Variants in TIMP2 observed in about 807,000 individuals in gnomAD.
TIMP2 encodes TIMP metallopeptidase inhibitor 2.
Under a neutral mutation model 24.3 loss-of-function variants are expected in TIMP2, and 5 were observed. The ratio of observed to expected loss-of-function variants is 0.21; its 90% CI spans 0.11 to 0.43. TIMP2 has a LOEUF of 0.43. Ranked by LOEUF, TIMP2 falls within the 20% of genes least tolerant of loss-of-function variation. TIMP2 has a pLI of 1.00. For missense variants in TIMP2, 221 were observed against 297.5 expected (o/e 0.74, Z 1.89); for synonymous variants, 130 against 123.2 (o/e 1.06, Z -0.37).
chr17:78,890,618 C>T (rs1294616020), intron 1 of TIMP2: 14 of 1,544,586 alleles, frequency 9.1e-6, no homozygotes, highest in Non-Finnish European at 1.2e-5. Flanking sequence ...ATGTATTTAC[C>T]CCGGGTGGGC....
intron 3 of TIMP2, 92 bp from the exon 4 acceptor site, chr17:78,857,738 C>T (rs1427113185): frequency 5.8e-6 from 9 of 1,538,786 alleles, no homozygotes; most frequent in South Asian, 4.7e-5. Context: ...GCTGGGATTT[C>T]GTTGCAACAA....
intron 1 of TIMP2, among the ~76,000 whole-genome samples, chr17:78,913,733 A>C (rs1186535507): frequency 2.0e-5 from 3 of 151,698 alleles, no homozygotes; most frequent in Non-Finnish European, 4.4e-5. Flanking sequence ...ACAAAAAAAA[A>C]CAAAAAACAT....
intron 1 of TIMP2, among the ~76,000 whole-genome samples, chr17:78,888,983 A>C (rs972797534): frequency 6.6e-5 from 10 of 152,168 alleles, no homozygotes; most frequent in Non-Finnish European, 1.5e-4. Context: ...CAGACTCTGA[A>C]ACCATCCTAG....
Position 78,855,193 on chromosome 17 carries a change from G to A in TIMP2, c.*474C>T, listed in dbSNP as rs143088973. On this transcript the variant is annotated 3_prime_UTR_variant, in exon 5 of 5. Transcript: ENST00000262768. This position sits in a 1 kb window ranked among gnomAD's most constrained non-coding sequence, Gnocchi z 6.0. ...TGCCAGGGGCAGGGAGTGCAGAGGC[G>A]TGGAAGCTGCAGAAAACAAGGGCCA... 489 of 176,614 alleles carry A rather than the reference G, an allele frequency of 2.8e-3. 6 individuals carry two copies. Among genetic ancestry groups the A allele is most frequent in the African/African-American group, 0.011 (468 of 42,714 alleles). The allele number at this position is 176,614 out of a possible 1,614,324, so 10.9% of individuals were successfully genotyped here.
rs563638676 is a variant in TIMP2, at chr17:78,919,381, AC to A, written c.130+5577del. ...GGCCTACTCTGTACCCAGAACTCTC[AC>A]CTTTCCTGGGGCAGTTGGTCCCTTG... On this transcript the variant is annotated intron_variant, in intron 1 of 4. Coordinates refer to ENST00000262768, the MANE Select transcript of TIMP2 (RefSeq NM_003255.5). Among the ~76,000 whole-genome samples the A allele has an allele frequency of 4.6e-5, 7 of 151,994 alleles. No individual in the cohort carries two copies. In the South Asian group the frequency reaches 1.5e-3, roughly 32 times the overall value.
intron 1 of TIMP2, chr17:78,899,938 C>G (rs763572671): frequency 6.6e-6 from 1 of 152,196 alleles, no homozygotes; most frequent in African/African-American, 2.4e-5. Flanking sequence ...TAGCTGGCAT[C>G]GGCCAGAGAG....
rs142569948 is a variant in TIMP2 at position 78,921,039 on chromosome 17, G to C, written c.130+3920C>G. On this transcript the variant is annotated intron_variant, in intron 1 of 4. Transcript: ENST00000262768. ...TACTTCGCACAACGAGTTGCCAACAGTTTCTTTAAAAAGCGCCACGCCGCC... is the reference window on the plus strand; with the variant it reads ...TACTTCGCACAACGAGTTGCCAACACTTTCTTTAAAAAGCGCCACGCCGCC... Among the ~76,000 whole-genome samples, 21 of 152,340 alleles carry C rather than the reference G, an allele frequency of 1.4e-4. No individual in the cohort carries two copies. In the East Asian group the frequency reaches 2.7e-3, roughly 20 times the overall value.
At chr17:78,862,280 G>A (rs76897924) in intron 3 of TIMP2, among the ~76,000 whole-genome samples, 2,037 of 152,302 alleles carry the variant, frequency 0.013, 44 homozygotes, top group African/African-American at 0.047. Context: ...TGTGATTTCT[G>A]GTTAGCCCCT....
At chr17:78,862,020 G>A (rs1342704346) in intron 3 of TIMP2, among the ~76,000 whole-genome samples, 1 of 152,212 alleles carries the variant, frequency 6.6e-6, no homozygotes, top group Non-Finnish European at 1.5e-5. Context: ...CTGTCTCCGA[G>A]AAAAGCGAGG....
At chr17:78,923,012 G>A (rs952553395) in intron 1 of TIMP2, among the ~76,000 whole-genome samples, 1 of 152,090 alleles carries the variant, frequency 6.6e-6, no homozygotes, top group African/African-American at 2.4e-5. Flanking sequence ...ACAGAGAATC[G>A]ATTCCTGTTC....
intron 1 of TIMP2, chr17:78,892,227 G>A: frequency 6.4e-7 from 1 of 1,551,022 alleles, no homozygotes; most frequent in Non-Finnish European, 8.7e-7. Flanking sequence ...CTTCTCTGCA[G>A]AGCGAGATCG....
chr17:78,895,819 G>T (rs1460865412), intron 1 of TIMP2, among the ~76,000 whole-genome samples: 3 of 152,182 alleles, frequency 2.0e-5, no homozygotes, highest in African/African-American at 7.2e-5. Flanking sequence ...TGTCTCGGAA[G>T]GTGCCTGGAG....
At chr17:78,883,969 G>T (rs530386848) in intron 1 of TIMP2, among the ~76,000 whole-genome samples, 1 of 152,336 alleles carries the variant, frequency 6.6e-6, no homozygotes, top group African/African-American at 2.4e-5. Flanking sequence ...TGAATCACTT[G>T]AAAACAATGC....
chr17:78,898,376 G>A (rs545773590), intron 1 of TIMP2: 1 of 152,252 alleles, frequency 6.6e-6, no homozygotes, highest in Non-Finnish European at 1.5e-5. Flanking sequence ...TGCTGCCCAG[G>A]GAGGTCAGAG....
chr17:78,918,074 A>ACT (rs1181112633), intron 1 of TIMP2, among the ~76,000 whole-genome samples: 3,518 of 79,820 alleles, frequency 0.044, 102 homozygotes, highest in African/African-American at 0.11. Flanking sequence ...AAACACACAC[A>ACT]CACACACACA....
chr17:78,874,135 AC>A, intron 1 of TIMP2: 1 of 515,152 alleles, frequency 1.9e-6, no homozygotes, highest in Non-Finnish European at 3.4e-6. Context: ...TCCTCCTTCC[AC>A]GATTCTTCAA....
intron 1 of TIMP2, chr17:78,898,145 C>T (rs142554514): frequency 1.9e-4 from 29 of 152,414 alleles, no homozygotes; most frequent in Non-Finnish European, 1.0e-4. Flanking sequence ...CTGATCAGCA[C>T]GCAGACCCGC....
intron 1 of TIMP2, among the ~76,000 whole-genome samples, chr17:78,877,668 T>A (rs1385381707): frequency 6.6e-6 from 1 of 152,048 alleles, no homozygotes. Flanking sequence ...CTGTATGTTA[T>A]TTTGGAAATT....
In TIMP2 at chr17:78,855,873, G is replaced by A. The variant is rs1380086082; in HGVS notation, c.466-9C>T. On this transcript the variant is annotated splice_polypyrimidine_tract_variant and intron_variant, in intron 4 of 4. Transcript: ENST00000262768. The surrounding 1 kb of genome is among the most constrained non-coding windows in gnomAD (Gnocchi z 6.0). ...ATGGGGCAGCGCGTGATCTGGGGAG[G>A]GGCACACGGAGGGGGACGGAGTCAG... 3.1e-6 allele frequency: 5 copies of A among 1,613,584 alleles called. No individual in the cohort carries two copies. The African/African-American group carries it at 5.3e-5, about 17-fold the overall frequency.
Sources: allele counts gnomAD v4.1 joint callset (sites outside exome capture counted in the v4.1 genomes callset), GRCh38; gene constraint gnomAD v4.1.1; non-coding constraint Gnocchi (gnomAD v3.1); transcripts MANE v1.5; gene names NCBI Gene and HGNC (gene_info 2026-07-23, HGNC 2026-07-21).